SMYD3: variants seen among roughly 807,000 people sequenced by gnomAD.
SMYD3 encodes the protein histone-lysine N-methyltransferase SMYD3.
In SMYD3, 36 loss-of-function variants were observed where a neutral mutation model predicts 57.7. That is an observed-to-expected ratio of 0.62 (90% confidence interval 0.48 to 0.82). The LOEUF (loss-of-function observed/expected upper bound fraction) is 0.82. Ranked by LOEUF, SMYD3 falls within the 40% of genes least tolerant of loss-of-function variation. The probability of loss-of-function intolerance (pLI) is 0.00; values close to 1 mark genes in which losing one functional copy is unlikely to be tolerated. For synonymous variants in SMYD3, 211 were observed against 195.0 expected, an observed-to-expected ratio of 1.08 and a Z score of -0.68; for missense variants, 515 against 538.8, an observed-to-expected ratio of 0.96 and a Z score of 0.44.
At chr1:246,260,366 G>A (rs2063981470) in intron 5 of SMYD3, among the ~76,000 whole-genome samples, 1 of 152,210 alleles carries the variant, frequency 6.6e-6, no homozygotes, top group Non-Finnish European at 1.5e-5. Context: ...GTTTGCCAGT[G>A]TTCTGCTCAC....
Position 245,783,706 on chromosome 1 carries a change from A to C in SMYD3, c.1077-19557T>G, listed in dbSNP as rs2046925083. On this transcript the variant is annotated intron_variant, in intron 10 of 11. Transcript: ENST00000490107. ...TGAATTAAGTAAAGCAGCAGGACAA[A>C]CTCAACCCACGTAAATTAATTATAT... 2.0e-5 allele frequency among the ~76,000 whole-genome samples: 3 copies of C among 152,214 alleles called. No individual in the cohort carries two copies. The South Asian group carries it at 6.2e-4, about 32-fold the overall frequency.
intron 1 of SMYD3, among the ~76,000 whole-genome samples, chr1:246,364,222 C>CAAA (rs11361203): frequency 8.4e-6 from 1 of 119,610 alleles, no homozygotes; most frequent in Non-Finnish European, 1.7e-5. Context: ...GGTTGTAAGC[C>CAAA]AAAAAAAAAA....
rs530231014 is a variant in SMYD3 at position 245,810,472 on chromosome 1, T to C, written c.1077-46323A>G. The stretch of plus-strand genomic sequence containing the variant: ...CAGATGGCATTGGTACTGGCAAGAC[T>C]GTGGTCTGTGAGTAGTCAGGAAGCC... On this transcript the variant is annotated intron_variant, in intron 10 of 11. Coordinates refer to ENST00000490107, the MANE Select transcript of SMYD3 (RefSeq NM_001167740.2). Among the ~76,000 whole-genome samples, 68 of 152,290 alleles carry C rather than the reference T, an allele frequency of 4.5e-4. 2 individuals carry two copies. In the South Asian group the frequency reaches 0.013, roughly 29 times the overall value.
intron 1 of SMYD3, among the ~76,000 whole-genome samples, chr1:246,366,096 A>C (rs932710997): frequency 6.6e-6 from 1 of 152,206 alleles, no homozygotes; most frequent in Non-Finnish European, 1.5e-5. Flanking sequence ...GATACCTAAG[A>C]AGCTCAGGTG....
chr1:245,936,685 A>T (rs1054404016), intron 5 of SMYD3, among the ~76,000 whole-genome samples: 1 of 152,206 alleles, frequency 6.6e-6, no homozygotes, highest in Non-Finnish European at 1.5e-5. Flanking sequence ...GATTGAGCCC[A>T]GAAGTTTGAG....
intron 1 of SMYD3, among the ~76,000 whole-genome samples, chr1:246,468,617 G>C (rs1389478785): frequency 1.3e-5 from 2 of 152,002 alleles, no homozygotes; most frequent in African/African-American, 4.8e-5. Flanking sequence ...CTCCAGCCTG[G>C]GTGACAGAGT....
chr1:246,421,312 AAAAT>A (rs1240780683), intron 1 of SMYD3, among the ~76,000 whole-genome samples: 1 of 152,206 alleles, frequency 6.6e-6, no homozygotes, highest in Non-Finnish European at 1.5e-5. Context: ...TTTTAAAAAA[AAAAT>A]AAAGTGCCAT....
chr1:246,141,592 C>A (rs747240824), intron 5 of SMYD3, among the ~76,000 whole-genome samples: 2 of 152,126 alleles, frequency 1.3e-5, no homozygotes, highest in Non-Finnish European at 2.9e-5. Context: ...GTACAGTGTG[C>A]TAGAAACTGT....
At chr1:245,770,834 A>G (rs1192326704) in intron 10 of SMYD3, among the ~76,000 whole-genome samples, 1 of 152,196 alleles carries the variant, frequency 6.6e-6, no homozygotes, top group East Asian at 1.9e-4. Context: ...AGAACTGAAA[A>G]ATAGAAAACT....
At chr1:245,925,460 C>G (rs971433590) in intron 7 of SMYD3, among the ~76,000 whole-genome samples, 1 of 152,142 alleles carries the variant, frequency 6.6e-6, no homozygotes, top group African/African-American at 2.4e-5. Flanking sequence ...TCTCCCTCTC[C>G]CCTACCTCTG....
At chr1:246,413,022 C>G (rs369171550) in intron 1 of SMYD3, among the ~76,000 whole-genome samples, 4 of 152,238 alleles carry the variant, frequency 2.6e-5, no homozygotes, top group East Asian at 1.9e-4. Flanking sequence ...ACAGTTTGCT[C>G]AAGGTCATGT....
chr1:245,803,953 G>A (rs548578742), intron 10 of SMYD3, among the ~76,000 whole-genome samples: 135 of 141,276 alleles, frequency 9.6e-4, no homozygotes, highest in Non-Finnish European at 1.5e-3. Flanking sequence ...TCTCTCTGTC[G>A]CCCAGGCTGG....
intron 5 of SMYD3, among the ~76,000 whole-genome samples, chr1:246,159,730 G>A (rs189950730): frequency 3.9e-4 from 60 of 152,290 alleles, no homozygotes; most frequent in Admixed American, 7.8e-4. Flanking sequence ...GTGTAGGAGT[G>A]CAGGGAACAC....
At chr1:246,170,554 G>T (rs1247292098) in intron 5 of SMYD3, among the ~76,000 whole-genome samples, 1 of 151,204 alleles carries the variant, frequency 6.6e-6, no homozygotes, top group East Asian at 1.9e-4. Context: ...TTTTTGACTC[G>T]ATAAATATTT....
At chr1:245,839,405 G>A (rs1015899499) in intron 10 of SMYD3, among the ~76,000 whole-genome samples, 23 of 151,730 alleles carry the variant, frequency 1.5e-4, no homozygotes, top group Non-Finnish European at 2.4e-4. Flanking sequence ...TCCTGACCTC[G>A]TGATCCGCCC....
At chr1:245,831,863 G>A (rs1351571541) in intron 10 of SMYD3, among the ~76,000 whole-genome samples, 2 of 152,182 alleles carry the variant, frequency 1.3e-5, no homozygotes, top group African/African-American at 4.8e-5. Context: ...CGTGTGTGAG[G>A]GATAATCTTG....
intron 5 of SMYD3, among the ~76,000 whole-genome samples, chr1:245,943,757 A>G (rs1364979644): frequency 6.6e-6 from 1 of 152,196 alleles, no homozygotes; most frequent in Non-Finnish European, 1.5e-5. Context: ...AACCAAATCC[A>G]GCAGCACATC....
At chr1:246,114,980 G>A (rs2061319915) in intron 5 of SMYD3, among the ~76,000 whole-genome samples, 1 of 152,230 alleles carries the variant, frequency 6.6e-6, no homozygotes, top group Non-Finnish European at 1.5e-5. Context: ...TACTTCCCGT[G>A]AAGCCAGCCT....
chr1:246,287,239 T>TTA (rs1370353466), intron 5 of SMYD3, among the ~76,000 whole-genome samples: 1 of 152,214 alleles, frequency 6.6e-6, no homozygotes, highest in Admixed American at 6.5e-5. Context: ...CAGAAAACAT[T>TTA]AGTGAAAGTC....
Sources: allele counts gnomAD v4.1 joint callset (sites outside exome capture counted in the v4.1 genomes callset), GRCh38; gene constraint gnomAD v4.1.1; transcripts MANE v1.5; gene names NCBI Gene and HGNC (gene_info 2026-07-23, HGNC 2026-07-21).